SLC5A12: variants seen among roughly 807,000 people sequenced by gnomAD.
The protein encoded by SLC5A12 is sodium-coupled monocarboxylate transporter 2.
A neutral mutation model predicts 72.7 loss-of-function variants in SLC5A12; 46 were observed. The ratio of observed to expected loss-of-function variants is 0.63; its 90% CI spans 0.50 to 0.81. The LOEUF is 0.81. Ranked by LOEUF, SLC5A12 falls within the 30% of genes least tolerant of loss-of-function variation. The pLI, the probability that SLC5A12 is intolerant of heterozygous loss-of-function variation, is 0.00. For missense variants in SLC5A12, 683 were observed against 740.7 expected, an observed-to-expected ratio of 0.92 and a Z score of 0.90; for synonymous variants, 275 against 264.4, an observed-to-expected ratio of 1.04 and a Z score of -0.39.
At chr11:26,709,654 T>C (rs188875508) in intron 3 of SLC5A12, among the ~76,000 whole-genome samples, 5 of 152,238 alleles carry the variant, frequency 3.3e-5, no homozygotes, top group Admixed American at 3.3e-4. Flanking sequence ...CCAAATGTTT[T>C]GTTTTTGAGT....
At position 26,673,517 on chromosome 11, in the gene SLC5A12, C is replaced by G. The variant is rs942781578; in HGVS notation, c.1592G>C (p.Gly531Ala). ...AATTAACAGTGGTTGAATATCCTCA[C>G]CTCTTTGGCGACCTATTAACAAAAG... ...IISLITGRQR[G>A]EDIQPLLIRP... Residue 531 changes from glycine to alanine, a missense_variant, in exon 14 of 15, where the codon GGT (glycine) becomes GCT (alanine). Physicochemically the swap from Gly to Ala is moderately conservative, Grantham distance 60. Transcript: ENST00000396005. The G allele has an allele frequency of 6.2e-7, 1 of 1,606,082 alleles. No homozygotes were observed. The highest frequency in any genetic ancestry group is 1.3e-5 in the African/African-American group (1 of 74,622).
intron 8 of SLC5A12, among the ~76,000 whole-genome samples, chr11:26,695,461 T>C (rs1242585092): frequency 6.6e-6 from 1 of 152,138 alleles, no homozygotes; most frequent in Non-Finnish European, 1.5e-5. Flanking sequence ...ACCATAAGTA[T>C]ACTAGAATGG....
chr11:26,681,315 G>T, intron 11 of SLC5A12, 94 bp from the exon 12 acceptor site: 1 of 1,090,040 alleles, frequency 9.2e-7, no homozygotes, highest in Non-Finnish European at 1.2e-6. Context: ...AGAGATTCTG[G>T]CTTTCCATCC....
At position 26,712,766 on chromosome 11, in the gene SLC5A12, G is replaced by A. The variant is rs1013352434; in HGVS notation, c.340-60C>T. On this transcript the variant is annotated intron_variant, in intron 1 of 14. Transcript: ENST00000396005. ...GGTTTAGATAAGAACTGCTAAGAAA[G>A]TCCTTTTTATCTTGGTATATCCTCT... 6 of 1,305,690 alleles carry A rather than the reference G, an allele frequency of 4.6e-6. No individual in the cohort carries two copies. The African/African-American group carries it at 8.6e-5, about 19-fold the overall frequency. 80.9% of individuals were successfully genotyped at this position (1,305,690 alleles called of 1,614,324 possible).
chr11:26,713,221 GACAA>G (rs1415965011), intron 1 of SLC5A12, among the ~76,000 whole-genome samples: 7 of 151,950 alleles, frequency 4.6e-5, no homozygotes, highest in Non-Finnish European at 1.0e-4. Context: ...CTCTATCATT[GACAA>G]ACAAAGTGCA....
intron 13 of SLC5A12, among the ~76,000 whole-genome samples, chr11:26,678,299 C>T (rs1467953782): frequency 1.3e-5 from 2 of 152,056 alleles, no homozygotes; most frequent in Non-Finnish European, 2.9e-5. Flanking sequence ...ATACTCAGGC[C>T]TCTGGGGGGC....
intron 14 of SLC5A12, among the ~76,000 whole-genome samples, chr11:26,671,607 C>G (rs1275671828): frequency 6.6e-6 from 1 of 152,032 alleles, no homozygotes; most frequent in Admixed American, 6.6e-5. Context: ...CCCTTCCTAC[C>G]TGGGAATAGG....
intron 8 of SLC5A12, among the ~76,000 whole-genome samples, chr11:26,694,768 A>G (rs1854769496): frequency 6.6e-6 from 1 of 152,216 alleles, no homozygotes; most frequent in Admixed American, 6.5e-5. Context: ...TTACCAAAAT[A>G]TACCACTCAG....
At chr11:26,709,074 C>G (rs1855158910) in intron 4 of SLC5A12, 1 of 357,086 alleles carries the variant, frequency 2.8e-6, no homozygotes, top group Non-Finnish European at 5.0e-6. Flanking sequence ...AGATTTTTTT[C>G]TTATTAGGCA....
In SLC5A12 at chr11:26,692,514, C is replaced by G. The variant is rs772271048; in HGVS notation, c.1128G>C (p.Leu376=). Residue 376 remains leucine (L), a synonymous_variant, in exon 9 of 15, where the codon CTG becomes CTC. Transcript: ENST00000396005. Reference sequence around the variant, plus strand: ...ATAAGCCTTTACTGATCCAGGTGCTCAGCTTGTCGGAGAGATGAGGAAAAC... The same window carrying G: ...ATAAGCCTTTACTGATCCAGGTGCTGAGCTTGTCGGAGAGATGAGGAAAAC... The part of the protein sequence containing the change: ...KSCFPHLSDK[L]STWISKGLCL... 6.2e-7 allele frequency: 1 copy of G among 1,613,684 alleles called. No individual in the cohort carries two copies. Among genetic ancestry groups the G allele is most frequent in the Non-Finnish European group, 8.5e-7 (1 of 1,179,564 alleles).
chr11:26,697,892 C>CTTTTTTTTTTTTTTTTTTTT, intron 7 of SLC5A12, among the ~76,000 whole-genome samples: 1 of 93,970 alleles, frequency 1.1e-5, no homozygotes, highest in Non-Finnish European at 1.9e-5. Context: ...GAGATGCCGT[C>CTTTTTTTTTTTTTTTTTTTT]TTTTTTTTTT....
intron 12 of SLC5A12, among the ~76,000 whole-genome samples, chr11:26,680,760 T>G (rs781040704): frequency 6.6e-6 from 1 of 152,094 alleles, no homozygotes; most frequent in Non-Finnish European, 1.5e-5. Flanking sequence ...GAGGAAACCA[T>G]GTTCCTCATA....
chr11:26,689,090 C>CA (rs36100337), intron 9 of SLC5A12, among the ~76,000 whole-genome samples: 11,587 of 111,242 alleles, frequency 0.1, 556 homozygotes, highest in African/African-American at 0.13. Context: ...AAGGACGTTA[C>CA]AAAAAAAAAA....
At chr11:26,682,320 C>T (rs1854429084) in intron 11 of SLC5A12, among the ~76,000 whole-genome samples, 3 of 152,132 alleles carry the variant, frequency 2.0e-5, no homozygotes, top group Admixed American at 6.6e-5. Context: ...CACAGGGGGC[C>T]AGCTAGATTT....
rs774999881 is a variant in SLC5A12 at position 26,709,365 on chromosome 11, G to T, written c.472C>A (p.Leu158Ile). The change falls in exon 4 of 15, where the codon CTC (leucine) becomes ATC (isoleucine). Residue 158 changes from leucine (L) to isoleucine (I), a missense_variant. By Grantham distance (5) the Leu-to-Ile change is conservative (BLOSUM62 2). Transcript: ENST00000396005. The stretch of plus-strand genomic sequence containing the variant: ...CCTGTTGCAAACACAGAGCCCCAGA[G>T]ATCAAACCCAGTCACTAGGAAAGAA... ...LALNQVTGFD[L>I]WGSVFATGIV... The T allele has an allele frequency of 6.2e-6, 10 of 1,610,522 alleles. No homozygotes were observed. In the East Asian group the frequency reaches 2.0e-4, roughly 32 times the overall value.
intron 9 of SLC5A12, among the ~76,000 whole-genome samples, chr11:26,691,384 T>A (rs1854667762): frequency 1.3e-5 from 2 of 152,142 alleles, no homozygotes; most frequent in African/African-American, 4.8e-5. Context: ...TGAATTTGTA[T>A]TATTTAACCT....
chr11:26,696,349 T>A (rs1854812258), intron 8 of SLC5A12, among the ~76,000 whole-genome samples: 2 of 152,180 alleles, frequency 1.3e-5, no homozygotes, highest in Non-Finnish European at 2.9e-5. Flanking sequence ...ATGCCCTTAT[T>A]TGGGGAATGG....
chr11:26,720,624 T>G (rs1176901563), intron 1 of SLC5A12, among the ~76,000 whole-genome samples: 1 of 152,084 alleles, frequency 6.6e-6, no homozygotes, highest in Non-Finnish European at 1.5e-5. Context: ...TGATATTGGA[T>G]AATGAAAATA....
At chr11:26,693,707 T>A (rs4923378) in intron 8 of SLC5A12, among the ~76,000 whole-genome samples, 10,756 of 152,218 alleles carry the variant, frequency 0.071, 500 homozygotes, top group Admixed American at 0.13. Context: ...AGTTTTCCAT[T>A]GATATTGATT....
Sources: gnomAD v4.1 joint callset for allele counts (sites outside exome capture counted in the v4.1 genomes callset) on GRCh38, gnomAD v4.1.1 for gene constraint, MANE v1.5 for transcripts, NCBI Gene and HGNC (gene_info 2026-07-23, HGNC 2026-07-21) for gene names.